SPIRE1: variants seen among roughly 807,000 people sequenced by gnomAD.
SPIRE1 encodes protein spire homolog 1.
In SPIRE1, 40 loss-of-function variants were observed where a neutral mutation model predicts 94.1. The ratio of observed to expected loss-of-function variants is 0.43; its 90% CI spans 0.33 to 0.55. The LOEUF is 0.55. SPIRE1 is among the 20% of genes least tolerant of loss of function. SPIRE1 has a pLI of 0.06. For synonymous variants in SPIRE1, 376 were observed against 371.7 expected (o/e 1.01, Z -0.13); for missense variants, 838 against 975.2 (o/e 0.86, Z 1.87).
rs141815942 is a variant in SPIRE1 at position 12,559,130 on chromosome 18, G to A, written c.373-12226C>T. On this transcript the variant is annotated intron_variant, in intron 2 of 16. Transcript: ENST00000409402. The surrounding 1 kb of genome is among the most constrained non-coding windows in gnomAD (Gnocchi z 4.7). ...GATGGGACCAGGCACCTTGGAGCAG[G>A]GGGAGGCGCCCCCTGGGGAGGCTCC... is the stretch of plus-strand genomic sequence containing the variant. 9.9e-3 allele frequency among the ~76,000 whole-genome samples: 1,465 copies of A among 148,712 alleles called. 35 individuals are homozygous for A. The highest frequency in any genetic ancestry group is 0.033 in the African/African-American group (1,356 of 41,250).
chr18:12,495,028 C>G (rs555567093), intron 7 of SPIRE1, among the ~76,000 whole-genome samples: 209 of 134,202 alleles, frequency 1.6e-3, no homozygotes, highest in African/African-American at 5.8e-3. Flanking sequence ...CCAGCCTGGG[C>G]GACAAAGTGA....
rs779762941 is a variant in SPIRE1, at chr18:12,512,498, C to T, written c.763G>A (p.Asp255Asn). 3.2e-5 allele frequency: 51 copies of T among 1,612,100 alleles called. No individual in the cohort carries two copies. Among genetic ancestry groups the T allele is most frequent in the Middle Eastern group, 1.6e-4 (1 of 6,078 alleles). Residue 255 changes from aspartate (D) to asparagine (N), a missense_variant, in exon 5 of 17, where the codon GAT (aspartate) becomes AAT (asparagine). By Grantham distance (23) the Asp-to-Asn change is conservative. Coordinates refer to ENST00000409402, the MANE Select transcript of SPIRE1 (RefSeq NM_001128626.2). ...LKKIQEMEKS[D>N]ESSTDLEELK... is the part of the protein sequence containing the mutation. ...TCTTCCAAGTCTGTGCTAGATTCAT[C>T]GCTCTTTTCCATTTCTTGAATCTTC...
intron 4 of SPIRE1, among the ~76,000 whole-genome samples, chr18:12,531,946 G>A (rs1304111462): frequency 6.6e-6 from 1 of 152,194 alleles, no homozygotes; most frequent in Non-Finnish European, 1.5e-5. Context: ...GCAGGGCAGG[G>A]TGGCTCTTCT....
At chr18:12,611,820 C>T (rs1473085429) in intron 2 of SPIRE1, among the ~76,000 whole-genome samples, 1 of 146,740 alleles carries the variant, frequency 6.8e-6, no homozygotes, top group Non-Finnish European at 1.5e-5. Flanking sequence ...TGCACCACCA[C>T]ATTAAGCTAC....
intron 1 of SPIRE1, among the ~76,000 whole-genome samples, chr18:12,656,023 C>T (rs1156727376): frequency 6.6e-6 from 1 of 152,122 alleles, no homozygotes; most frequent in African/African-American, 2.4e-5. Context: ...CTCAGCCTCC[C>T]GAGTAGCTGG....
chr18:12,461,563 A>ATATG lies in SPIRE1; in HGVS notation c.1638+1784_1638+1787dup, dbSNP rs1201027202. Among the ~76,000 whole-genome samples, 910 of 130,406 alleles carry ATATG rather than the reference A, an allele frequency of 7.0e-3. 6 individuals are homozygous for ATATG. The highest frequency in any genetic ancestry group is 0.029 in the African/African-American group (866 of 29,848). 85.6% of individuals were successfully genotyped at this position (130,406 alleles called of 152,430 possible). A position where few individuals can be genotyped will look rare whatever the true frequency, so the allele number is the denominator to read the frequency against. ...CATATGTATATACATACATGCGTGT[A>ATATG]TATGTATGTACATACATATGTATAT... is the stretch of plus-strand genomic sequence containing the variant. On this transcript the variant is annotated intron_variant, in intron 12 of 16. Transcript: ENST00000409402.
Position 12,493,065 on chromosome 18 carries a change from G to A in SPIRE1, c.1189+7C>T. The A allele has an allele frequency of 1.2e-6, 2 of 1,606,792 alleles. No individual in the cohort carries two copies. Among genetic ancestry groups the A allele is most frequent in the South Asian group, 2.2e-5 (2 of 89,378 alleles). ...TCTAGACTGAGTACAGGAAGCAGTG[G>A]ACTCACCTAATCTGCTACGTCTAAT... On this transcript the variant is annotated splice_region_variant and intron_variant, in intron 8 of 16. Transcript: ENST00000409402.
At chr18:12,466,199 TATA>T (rs2032091153) in intron 10 of SPIRE1, among the ~76,000 whole-genome samples, 1 of 152,184 alleles carries the variant, frequency 6.6e-6, no homozygotes. Context: ...AAAAATAAAG[TATA>T]ATATTTATTC....
At position 12,586,897 on chromosome 18, in the gene SPIRE1, T is replaced by C. The variant is rs2036403583; in HGVS notation, c.373-39993A>G. Among the ~76,000 whole-genome samples the C allele has an allele frequency of 2.0e-5, 3 of 152,188 alleles. No homozygotes were observed. The South Asian group carries it at 6.2e-4, about 32-fold the overall frequency. ...TATTTTAACTGTCCTTTTAAAAATA[T>C]TTCATGACTCTAGACACTTAAAGAA... On this transcript the variant is annotated intron_variant, in intron 2 of 16. Coordinates refer to ENST00000409402, the MANE Select transcript of SPIRE1 (RefSeq NM_001128626.2).
At chr18:12,555,622 C>T (rs1001855679) in intron 2 of SPIRE1, among the ~76,000 whole-genome samples, 2 of 152,088 alleles carry the variant, frequency 1.3e-5, no homozygotes, top group African/African-American at 2.4e-5. Context: ...TTCAACATCC[C>T]TTCATGATAA....
chr18:12,461,606 T>C (rs1190889582), intron 12 of SPIRE1, among the ~76,000 whole-genome samples: 9 of 151,114 alleles, frequency 6.0e-5, no homozygotes, highest in East Asian at 3.9e-4. Context: ...TACACACACA[T>C]ATACACACAC....
intron 2 of SPIRE1, among the ~76,000 whole-genome samples, chr18:12,602,516 TG>T (rs2036864943): frequency 6.6e-6 from 1 of 152,094 alleles, no homozygotes; most frequent in Admixed American, 6.6e-5. Flanking sequence ...TCCAGAAAAA[TG>T]ACAGATATGA....
chr18:12,461,984 A>G (rs1019392468), intron 12 of SPIRE1, among the ~76,000 whole-genome samples: 13 of 152,180 alleles, frequency 8.5e-5, no homozygotes, highest in African/African-American at 3.1e-4. Flanking sequence ...TGGTAAAAGC[A>G]ATAACTTATT....
intron 4 of SPIRE1, among the ~76,000 whole-genome samples, 181 bp downstream of exon 4, chr18:12,535,295 G>A (rs2034802364): frequency 6.6e-6 from 1 of 152,170 alleles, no homozygotes; most frequent in Non-Finnish European, 1.5e-5. Flanking sequence ...CAATACAATA[G>A]ATTTAATTTT....
At chr18:12,539,749 A>G (rs1413211474) in intron 3 of SPIRE1, among the ~76,000 whole-genome samples, 2 of 151,756 alleles carry the variant, frequency 1.3e-5, no homozygotes, top group African/African-American at 4.8e-5. Context: ...ACATAGTGAA[A>G]CCCCGTCTCT....
At chr18:12,601,149 G>A (rs576715373) in intron 2 of SPIRE1, among the ~76,000 whole-genome samples, 1 of 152,048 alleles carries the variant, frequency 6.6e-6, no homozygotes, top group East Asian at 1.9e-4. Flanking sequence ...GGCTGGGTGC[G>A]GTGGCTCACG....
At chr18:12,572,213 A>G (rs1010622507) in intron 2 of SPIRE1, among the ~76,000 whole-genome samples, 3 of 152,198 alleles carry the variant, frequency 2.0e-5, no homozygotes, top group Non-Finnish European at 4.4e-5. Flanking sequence ...ACACAATCAC[A>G]CAGGGTCTCA....
intron 7 of SPIRE1, among the ~76,000 whole-genome samples, chr18:12,493,588 G>C (rs1056091461): frequency 1.3e-5 from 2 of 152,050 alleles, no homozygotes; most frequent in African/African-American, 4.8e-5. Flanking sequence ...TGTATTTTTA[G>C]TAGAGATGGG....
At chr18:12,655,374 G>T (rs112346003) in intron 1 of SPIRE1, among the ~76,000 whole-genome samples, 2,226 of 152,288 alleles carry the variant, frequency 0.015, 65 homozygotes, top group African/African-American at 0.051. Context: ...ATCTTCAGAA[G>T]ACTGTATCTT....
Sources: allele counts gnomAD v4.1 joint callset (sites outside exome capture counted in the v4.1 genomes callset), GRCh38; gene constraint gnomAD v4.1.1; non-coding constraint Gnocchi (gnomAD v3.1); transcripts MANE v1.5; gene names NCBI Gene and HGNC (gene_info 2026-07-23, HGNC 2026-07-21).